RAD18: variants seen among roughly 807,000 people sequenced by gnomAD.
The protein encoded by RAD18 is RAD18 E3 ubiquitin protein ligase, also known as E3 ubiquitin-protein ligase RAD18.
A neutral mutation model predicts 60.4 loss-of-function variants in RAD18; 47 were observed. The ratio of observed to expected loss-of-function variants is 0.78; its 90% confidence interval spans 0.62 to 0.99. RAD18 has a LOEUF of 0.99. Ranked by LOEUF, RAD18 falls within the 50% of genes least tolerant of loss-of-function variation. The pLI is 0.00. For missense variants in RAD18, 640 were observed against 593.3 expected (o/e 1.08, Z -0.82); for synonymous variants, 225 against 195.5 (o/e 1.15, Z -1.26).
intron 10 of RAD18, among the ~76,000 whole-genome samples, chr3:8,901,987 T>C (rs1939920424): frequency 1.3e-5 from 2 of 152,232 alleles, no homozygotes; most frequent in African/African-American, 4.8e-5. Flanking sequence ...CTACCAGGTA[T>C]GTTAACTTTA....
At chr3:8,920,542 G>A (rs1015263079) in intron 7 of RAD18, among the ~76,000 whole-genome samples, 1 of 152,164 alleles carries the variant, frequency 6.6e-6, no homozygotes, top group African/African-American at 2.4e-5. Context: ...TAGTAGCAAG[G>A]CAGCGGATGT....
intron 5 of RAD18, 112 bp from the exon 6 acceptor site, chr3:8,939,765 G>A: frequency 1.2e-6 from 1 of 850,658 alleles, no homozygotes; most frequent in Non-Finnish European, 1.8e-6. Flanking sequence ...AACTTAACAT[G>A]CACTTAGAAA....
rs373755044 is a variant in RAD18 at position 8,880,983 on chromosome 3, G to A, written c.*374C>T. ...AGAAGTTGAAAGAATCCTTTTGTGAGGCTGGATTCTCCATGGAAGAGAAGG... is the reference window on the plus strand; with the variant it reads ...AGAAGTTGAAAGAATCCTTTTGTGAAGCTGGATTCTCCATGGAAGAGAAGG... On this transcript the variant is annotated 3_prime_UTR_variant, in exon 13 of 13. Transcript: ENST00000264926. 6 of 169,596 alleles carry A rather than the reference G, an allele frequency of 3.5e-5. No homozygotes were observed. The highest frequency in any genetic ancestry group is 1.6e-4 in the South Asian group (1 of 6,436). The allele number at this position is 169,596 out of a possible 1,614,324, so 10.5% of individuals were successfully genotyped here. A position where few individuals can be genotyped will look rare whatever the true frequency, so the allele number is the denominator to read the frequency against.
intron 7 of RAD18, among the ~76,000 whole-genome samples, chr3:8,922,295 G>C (rs144635113): frequency 6.6e-6 from 1 of 152,202 alleles, no homozygotes; most frequent in South Asian, 2.1e-4. Context: ...ATTATATCCC[G>C]TGCCTGGCTC....
chr3:8,946,491 C>A (rs1012058944), intron 4 of RAD18, among the ~76,000 whole-genome samples: 4 of 152,222 alleles, frequency 2.6e-5, no homozygotes, highest in African/African-American at 9.6e-5. Context: ...GTACGTCCTT[C>A]ATAAAAATTC....
At chr3:8,909,335 A>C (rs1940066386) in intron 9 of RAD18, among the ~76,000 whole-genome samples, 1 of 152,186 alleles carries the variant, frequency 6.6e-6, no homozygotes, top group African/African-American at 2.4e-5. Flanking sequence ...GCAAGGCAGA[A>C]ATGGCATGAT....
At chr3:8,953,315 T>C (rs1239342867) in intron 2 of RAD18, among the ~76,000 whole-genome samples, 1 of 151,874 alleles carries the variant, frequency 6.6e-6, no homozygotes, top group Non-Finnish European at 1.5e-5. Context: ...CATGTACCTT[T>C]TAAATTAGTA....
chr3:8,951,981 A>G (rs1940933740), intron 2 of RAD18, among the ~76,000 whole-genome samples: 1 of 152,116 alleles, frequency 6.6e-6, no homozygotes, highest in South Asian at 2.1e-4. Context: ...TCTCATACGG[A>G]CACTAATCCC....
chr3:8,926,928 A>C (rs1940449969), intron 7 of RAD18, among the ~76,000 whole-genome samples: 1 of 152,170 alleles, frequency 6.6e-6, no homozygotes, highest in South Asian at 2.1e-4. Flanking sequence ...TTAAAGACTT[A>C]AATGTTAGAC....
intron 12 of RAD18, among the ~76,000 whole-genome samples, chr3:8,884,821 T>C (rs561404362): frequency 4.6e-5 from 7 of 152,338 alleles, no homozygotes; most frequent in African/African-American, 1.2e-4. Flanking sequence ...AGAATCCTAA[T>C]AGAATAACCC....
At chr3:8,945,904 A>C (rs1049846234) in intron 4 of RAD18, among the ~76,000 whole-genome samples, 1 of 152,244 alleles carries the variant, frequency 6.6e-6, no homozygotes, top group African/African-American at 2.4e-5. Flanking sequence ...GTTTTAAGCT[A>C]AGTGTTATTA....
At chr3:8,923,551 G>A (rs1940369926) in intron 7 of RAD18, among the ~76,000 whole-genome samples, 1 of 151,984 alleles carries the variant, frequency 6.6e-6, no homozygotes, top group Admixed American at 6.6e-5. Flanking sequence ...TCACATTCAG[G>A]AAATACAGAG....
chr3:8,913,066 A>C (rs1006420208), intron 8 of RAD18, among the ~76,000 whole-genome samples: 5 of 152,194 alleles, frequency 3.3e-5, no homozygotes, highest in Admixed American at 3.3e-4. Flanking sequence ...GGAAGAGACC[A>C]AAACACTTTC....
chr3:8,911,628 C>T (rs1350325510), intron 9 of RAD18, among the ~76,000 whole-genome samples: 1 of 152,170 alleles, frequency 6.6e-6, no homozygotes, highest in Non-Finnish European at 1.5e-5. Context: ...TCCCACAATA[C>T]ATCACTACAG....
intron 11 of RAD18, among the ~76,000 whole-genome samples, chr3:8,896,751 C>T (rs1939792858): frequency 6.6e-6 from 1 of 152,172 alleles, no homozygotes; most frequent in African/African-American, 2.4e-5. Flanking sequence ...CACAGTGAGA[C>T]GCAGGGTGGC....
At chr3:8,902,885 G>A (rs1033944208) in intron 9 of RAD18, among the ~76,000 whole-genome samples, 3 of 152,042 alleles carry the variant, frequency 2.0e-5, no homozygotes, top group Non-Finnish European at 4.4e-5. Flanking sequence ...AATTAGCCAG[G>A]TGTGGTATTG....
chr3:8,926,737 C>G, intron 7 of RAD18, among the ~76,000 whole-genome samples: 1 of 152,020 alleles, frequency 6.6e-6, no homozygotes, highest in East Asian at 1.9e-4. Context: ...CAGAACAGAG[C>G]CCTCAGAAAT....
intron 12 of RAD18, among the ~76,000 whole-genome samples, chr3:8,883,220 T>C (rs1470854827): frequency 2.0e-5 from 3 of 152,250 alleles, no homozygotes; most frequent in East Asian, 1.9e-4. Context: ...ATAATAAATA[T>C]GTAAATATAT....
intron 7 of RAD18, among the ~76,000 whole-genome samples, chr3:8,925,253 C>A (rs1246946738): frequency 1.3e-5 from 2 of 152,098 alleles, no homozygotes; most frequent in Non-Finnish European, 2.9e-5. Flanking sequence ...CACAGAAATA[C>A]AAATTACCAT....
Sources: allele counts gnomAD v4.1 joint callset (sites outside exome capture counted in the v4.1 genomes callset), GRCh38; gene constraint gnomAD v4.1.1; transcripts MANE v1.5; gene names NCBI Gene and HGNC (gene_info 2026-07-23, HGNC 2026-07-21).